Variants in CLVS1 observed in about 807,000 individuals in gnomAD.
CLVS1 encodes the protein clavesin-1.
A neutral mutation model predicts 33.1 loss-of-function variants in CLVS1; 10 were observed. The ratio of observed to expected loss-of-function variants is 0.30; its 90% CI spans 0.19 to 0.51. The LOEUF is 0.51. CLVS1 is among the 20% of genes least tolerant of loss of function. The probability of loss-of-function intolerance (pLI) is 0.97; values close to 1 mark genes in which losing one functional copy is unlikely to be tolerated. For synonymous variants in CLVS1, 163 were observed against 166.1 expected (o/e 0.98, Z 0.14); for missense variants, 343 against 433.4 (o/e 0.79, Z 1.85).
chr8:61,499,558 A>C lies in CLVS1; in HGVS notation c.*16A>C, dbSNP rs758339805. On this transcript the variant is annotated 3_prime_UTR_variant, in exon 6 of 6. Coordinates refer to ENST00000325897, the MANE Select transcript of CLVS1 (RefSeq NM_173519.3). ...TCTGGACTGAACCCTGAGTCACCCC[A>C]ATGCTCCTGCACACTGGCCTTCAGT... is the stretch of plus-strand genomic sequence containing the variant. 1.2e-6 allele frequency: 2 copies of C among 1,602,584 alleles called. No individual in the cohort carries two copies. Among genetic ancestry groups the C allele is most frequent in the Non-Finnish European group, 1.7e-6 (2 of 1,169,892 alleles).
intron 2 of CLVS1, among the ~76,000 whole-genome samples, chr8:61,217,549 C>G (rs1227417813): frequency 1.3e-5 from 2 of 152,118 alleles, no homozygotes; most frequent in Admixed American, 1.3e-4. Flanking sequence ...GTATTATGTT[C>G]TAAACTGTGG....
intron 4 of CLVS1, among the ~76,000 whole-genome samples, chr8:61,455,628 A>G (rs1000055773): frequency 2.6e-5 from 4 of 152,182 alleles, no homozygotes; most frequent in African/African-American, 2.4e-5. Flanking sequence ...TATCTTGGCT[A>G]TTATGAATAA....
intron 3 of CLVS1, among the ~76,000 whole-genome samples, chr8:61,414,405 T>TG (rs1491243873): frequency 7.6e-5 from 9 of 118,388 alleles, no homozygotes; most frequent in Admixed American, 6.9e-4. Context: ...TTACCGAAAT[T>TG]GTTTTTTTTT....
chr8:60,989,040 AT>A, the CLVS1 span, among the ~76,000 whole-genome samples: 65 of 151,294 alleles, frequency 4.3e-4, 1 homozygote, highest in East Asian at 0.011. Context: ...ATTACAAACA[AT>A]TTTTTTTTAG....
chr8:61,280,404 CA>C (rs1809646517), intron 2 of CLVS1, among the ~76,000 whole-genome samples: 1 of 152,108 alleles, frequency 6.6e-6, no homozygotes. Context: ...TTTAGTGCTC[CA>C]AAAGGCCTGA....
At chr8:61,178,982 A>G (rs1807175543) in intron 2 of CLVS1, among the ~76,000 whole-genome samples, 1 of 152,258 alleles carries the variant, frequency 6.6e-6, no homozygotes, top group Admixed American at 6.5e-5. Flanking sequence ...AAAGGATCAA[A>G]TTCACACAAA....
intron 3 of CLVS1, among the ~76,000 whole-genome samples, chr8:61,403,154 A>G (rs1814835909): frequency 6.6e-6 from 1 of 152,182 alleles, no homozygotes; most frequent in Non-Finnish European, 1.5e-5. Flanking sequence ...CTATTGAGGG[A>G]AAAATGTTCC....
intron 1 of CLVS1, among the ~76,000 whole-genome samples, chr8:61,288,512 TTCAGGTGAACAAA>T (rs1381264625): frequency 6.6e-6 from 1 of 152,020 alleles, no homozygotes; most frequent in Admixed American, 6.5e-5. Context: ...GGAAGGAAAG[TTCAGGTGAACAAA>T]CCCCTGAAAA....
intron 2 of CLVS1, among the ~76,000 whole-genome samples, chr8:61,361,211 C>T (rs1032843153): frequency 3.9e-5 from 6 of 152,170 alleles, no homozygotes; most frequent in Non-Finnish European, 8.8e-5. Context: ...GCCCCACCTC[C>T]AACAATTGGG....
chr8:61,167,193 AT>A (rs34299403), intron 2 of CLVS1, among the ~76,000 whole-genome samples: 30,647 of 128,040 alleles, frequency 0.24, 2,997 homozygotes, highest in African/African-American at 0.32. Context: ...GCTTCCTTTA[AT>A]TTTTTTTTTT....
At chr8:61,351,184 G>A (rs936793190) in intron 2 of CLVS1, among the ~76,000 whole-genome samples, 1 of 151,482 alleles carries the variant, frequency 6.6e-6, no homozygotes, top group Non-Finnish European at 1.5e-5. Context: ...CAAATTCTCT[G>A]GAAACAAATA....
At chr8:61,278,981 T>C (rs1809616814) in intron 2 of CLVS1, among the ~76,000 whole-genome samples, 1 of 152,206 alleles carries the variant, frequency 6.6e-6, no homozygotes, top group African/African-American at 2.4e-5. Context: ...ACCACCTGCA[T>C]AGAACCGTTA....
intron 1 of CLVS1, among the ~76,000 whole-genome samples, chr8:61,107,765 C>T (rs1434970977): frequency 2.0e-5 from 3 of 152,220 alleles, no homozygotes; most frequent in African/African-American, 7.2e-5. Flanking sequence ...ACTAAAATGT[C>T]ACCTGAGCTG....
chr8:61,377,455 G>T (rs950448712), intron 3 of CLVS1: 1 of 152,158 alleles, frequency 6.6e-6, no homozygotes, highest in Non-Finnish European at 1.5e-5. Flanking sequence ...CAAATTAAGG[G>T]CATAGTTTGG....
chr8:61,164,246 C>A (rs1806811024), intron 2 of CLVS1, among the ~76,000 whole-genome samples: 1 of 152,162 alleles, frequency 6.6e-6, no homozygotes, highest in African/African-American at 2.4e-5. Context: ...CCTAGGAAAT[C>A]CAGCTAGTCC....
intron 3 of CLVS1, among the ~76,000 whole-genome samples, chr8:61,402,594 T>C (rs1259053520): frequency 1.3e-5 from 2 of 152,136 alleles, no homozygotes; most frequent in African/African-American, 4.8e-5. Flanking sequence ...AAATGAACAG[T>C]ATAGACAGTA....
chr8:61,186,857 T>C (rs2349929), intron 2 of CLVS1, among the ~76,000 whole-genome samples: 5 of 152,210 alleles, frequency 3.3e-5, no homozygotes, highest in African/African-American at 1.2e-4. Flanking sequence ...GGAAGGATTT[T>C]GGACAGAAAG....
the CLVS1 span, among the ~76,000 whole-genome samples, chr8:61,002,780 C>T: frequency 6.6e-6 from 1 of 152,204 alleles, no homozygotes; most frequent in Non-Finnish European, 1.5e-5. Context: ...AAGCATTCAT[C>T]TTAAGAGTCA....
At chr8:60,982,267 C>G in the CLVS1 span, among the ~76,000 whole-genome samples, 154 of 152,268 alleles carry the variant, frequency 1.0e-3, no homozygotes, top group African/African-American at 3.6e-3. Flanking sequence ...TTTCTGAACA[C>G]TAATAGAATT....
Sources: allele counts gnomAD v4.1 joint callset (sites outside exome capture counted in the v4.1 genomes callset), GRCh38; gene constraint gnomAD v4.1.1; transcripts MANE v1.5; gene names NCBI Gene and HGNC (gene_info 2026-07-23, HGNC 2026-07-21).